ZUP1: variants seen among roughly 807,000 people sequenced by gnomAD.
ZUP1 encodes zinc finger containing ubiquitin peptidase 1, also known as zinc finger-containing ubiquitin peptidase 1.
Under a neutral mutation model 68.1 loss-of-function variants are expected in ZUP1, and 55 were observed. That is an observed-to-expected ratio of 0.81 (90% CI 0.65 to 1.01). ZUP1 has a LOEUF of 1.01. Ranked by LOEUF, ZUP1 falls within the 50% of genes least tolerant of loss-of-function variation. ZUP1 has a pLI of 0.00. For missense variants in ZUP1, 684 were observed against 674.9 expected (o/e 1.01, Z -0.15); for synonymous variants, 223 against 221.5 (o/e 1.01, Z -0.06).
At chr6:116,668,244 G>T (rs1439535849) in intron 1 of ZUP1, among the ~76,000 whole-genome samples, 1 of 152,146 alleles carries the variant, frequency 6.6e-6, no homozygotes, top group Non-Finnish European at 1.5e-5. Context: ...CGAGCCCCCA[G>T]TGGGATTAAT....
At chr6:116,648,566 TAGAG>T (rs1250812225) in intron 7 of ZUP1, among the ~76,000 whole-genome samples, 10 of 152,104 alleles carry the variant, frequency 6.6e-5, no homozygotes, top group South Asian at 2.1e-4. Context: ...ATATAACTCA[TAGAG>T]AGAGCAACAG....
At chr6:116,642,198 C>T (rs1046701080) in intron 9 of ZUP1, among the ~76,000 whole-genome samples, 2 of 152,094 alleles carry the variant, frequency 1.3e-5, no homozygotes, top group African/African-American at 2.4e-5. Context: ...TAATCAATAG[C>T]TTACCAACCA....
intron 2 of ZUP1, among the ~76,000 whole-genome samples, chr6:116,662,338 C>T (rs943611835): frequency 1.3e-5 from 2 of 152,130 alleles, no homozygotes. Context: ...TAAGTGATAA[C>T]CAACCTTCCT....
chr6:116,654,124 T>A (rs1474367932), intron 5 of ZUP1, among the ~76,000 whole-genome samples: 1 of 151,968 alleles, frequency 6.6e-6, no homozygotes, highest in Non-Finnish European at 1.5e-5. Flanking sequence ...TTTACAGACA[T>A]ATTTAATATT....
chr6:116,662,031 A>T (rs1238886504), intron 2 of ZUP1, among the ~76,000 whole-genome samples: 1 of 152,252 alleles, frequency 6.6e-6, no homozygotes, highest in Non-Finnish European at 1.5e-5. Context: ...GTTACTAAGA[A>T]AAAATAGAAA....
chr6:116,642,576 A>G (rs1362906704), intron 9 of ZUP1, among the ~76,000 whole-genome samples: 1 of 152,248 alleles, frequency 6.6e-6, no homozygotes, highest in East Asian at 1.9e-4. Flanking sequence ...ACAGAACCAA[A>G]GACAAAAACC....
At chr6:116,656,950 T>C (rs1436367947) in intron 4 of ZUP1, 98 bp from the exon 5 acceptor site, 2 of 822,352 alleles carry the variant, frequency 2.4e-6, no homozygotes, top group Non-Finnish European at 3.6e-6. Context: ...TGTTGAAACA[T>C]TCTGGTTTAT....
At chr6:116,647,357 TA>T in intron 8 of ZUP1, 101 bp downstream of exon 8, 4 of 1,114,532 alleles carry the variant, frequency 3.6e-6, no homozygotes, top group Non-Finnish European at 3.6e-6. Flanking sequence ...AGATTCTGTC[TA>T]AAAAAACAAA....
chr6:116,661,987 G>A (rs546651480), intron 2 of ZUP1, among the ~76,000 whole-genome samples: 61 of 152,266 alleles, frequency 4.0e-4, no homozygotes, highest in Non-Finnish European at 7.9e-4. Context: ...CTGAAATAAA[G>A]GAGGGAACTG....
rs765027534 is a variant in ZUP1, at chr6:116,651,624, C to T, written c.1264G>A (p.Ala422Thr). ...TATACTTCACATGCTCCAATCCAGG[C>T]CTTTGTTCCCTGTAACCTGTTATTA... The part of the protein sequence containing the change: ...QLNNRLQGTK[A>T]WIGACEVYIL... The change falls in exon 7 of 10, where the codon GCC (alanine) becomes ACC (threonine). Residue 422 changes from alanine to threonine, a missense_variant. Transcript: ENST00000368576. 3.1e-6 allele frequency: 5 copies of T among 1,613,704 alleles called. No homozygotes were observed. The highest frequency in any genetic ancestry group is 4.2e-6 in the Non-Finnish European group (5 of 1,179,818).
intron 7 of ZUP1, among the ~76,000 whole-genome samples, chr6:116,649,998 T>C (rs1442650856): frequency 6.6e-6 from 1 of 152,154 alleles, no homozygotes; most frequent in Admixed American, 6.5e-5. Flanking sequence ...AAAATGATGC[T>C]ATGAAATTAC....
At chr6:116,649,585 T>G (rs565193734) in intron 7 of ZUP1, among the ~76,000 whole-genome samples, 22 of 152,190 alleles carry the variant, frequency 1.4e-4, no homozygotes, top group Non-Finnish European at 2.6e-4. Flanking sequence ...AATTAAAAGT[T>G]TGCTTAGAAG....
intron 5 of ZUP1, among the ~76,000 whole-genome samples, chr6:116,652,896 T>G (rs1450987249): frequency 6.6e-6 from 1 of 152,136 alleles, no homozygotes; most frequent in South Asian, 2.1e-4. Flanking sequence ...GTCTTATCTT[T>G]ATTTCACACT....
chr6:116,664,428 CAA>C (rs59007786), intron 2 of ZUP1, among the ~76,000 whole-genome samples: 21 of 120,124 alleles, frequency 1.7e-4, no homozygotes, highest in Non-Finnish European at 1.5e-4. Context: ...AAAAGTCCAT[CAA>C]AAAAAAAAAA....
In ZUP1 at chr6:116,640,722, C is replaced by T. The variant is rs1776070424; in HGVS notation, c.1690-4843G>A. 2.6e-5 allele frequency among the ~76,000 whole-genome samples: 4 copies of T among 151,922 alleles called. No individual in the cohort carries two copies. In the South Asian group the frequency reaches 6.3e-4, roughly 24 times the overall value. ...ATGGAAAGGCACAACCGGTACCAGC[C>T]ACTGCAAAATCATGCCAAAATGTAA... On this transcript the variant is annotated intron_variant, in intron 9 of 9. Coordinates refer to ENST00000368576, the MANE Select transcript of ZUP1 (RefSeq NM_145062.3).
At chr6:116,647,685 C>T in intron 7 of ZUP1, 75 bp from the exon 8 acceptor site, 1 of 1,201,698 alleles carries the variant, frequency 8.3e-7, no homozygotes, top group Non-Finnish European at 1.1e-6. Context: ...TCAAATACAA[C>T]AAATTCTTAG....
chr6:116,645,489 G>A (rs1776262143), intron 9 of ZUP1, among the ~76,000 whole-genome samples: 1 of 151,066 alleles, frequency 6.6e-6, no homozygotes, highest in African/African-American at 2.4e-5. Context: ...GCTGAGGCAG[G>A]AGGATCGCTT....
At chr6:116,662,035 A>G (rs1237198116) in intron 2 of ZUP1, among the ~76,000 whole-genome samples, 2 of 152,256 alleles carry the variant, frequency 1.3e-5, no homozygotes, top group Non-Finnish European at 2.9e-5. Flanking sequence ...CTAAGAAAAA[A>G]TAGAAAGATG....
intron 4 of ZUP1, among the ~76,000 whole-genome samples, chr6:116,657,493 G>A (rs1336449840): frequency 6.6e-6 from 1 of 152,074 alleles, no homozygotes; most frequent in Non-Finnish European, 1.5e-5. Context: ...AAAGTCTTAA[G>A]AAAAGCCAAT....
Sources: allele counts gnomAD v4.1 joint callset (sites outside exome capture counted in the v4.1 genomes callset), GRCh38; gene constraint gnomAD v4.1.1; transcripts MANE v1.5; gene names NCBI Gene and HGNC (gene_info 2026-07-23, HGNC 2026-07-21).